LYRM4: variants seen among roughly 807,000 people sequenced by gnomAD.
LYRM4 encodes LYR motif containing 4.
Under a neutral mutation model 11.7 loss-of-function variants are expected in LYRM4, and 9 were observed. The observed-to-expected ratio is 0.77, with a 90% confidence interval of 0.46 to 1.34. LYRM4 has a LOEUF of 1.34. Among genes scored for constraint, LYRM4 ranks in the 40% most tolerant of loss-of-function variants. The probability of loss-of-function intolerance (pLI) is 0.00; values close to 1 mark genes in which losing one functional copy is unlikely to be tolerated. For synonymous variants in LYRM4, 42 were observed against 40.4 expected (o/e 1.04, Z -0.15); for missense variants, 133 against 112.5 (o/e 1.18, Z -0.82).
At chr6:5,214,234 A>G (rs1026527298) in intron 2 of LYRM4, among the ~76,000 whole-genome samples, 1 of 150,046 alleles carries the variant, frequency 6.7e-6, no homozygotes, top group Non-Finnish European at 1.5e-5. Flanking sequence ...AATCTGTTTT[A>G]GATAGTGTGG....
At chr6:5,119,794 CAA>C (rs968606439) in intron 2 of LYRM4, among the ~76,000 whole-genome samples, 62 of 16,860 alleles carry the variant, frequency 3.7e-3, no homozygotes, top group African/African-American at 6.7e-3. Flanking sequence ...GTCTCCATAA[CAA>C]AAAAAAAAAA....
At chr6:5,112,728 G>C (rs1419905128) in intron 2 of LYRM4, among the ~76,000 whole-genome samples, 1 of 152,218 alleles carries the variant, frequency 6.6e-6, no homozygotes, top group Non-Finnish European at 1.5e-5. Context: ...GGACTAGAGG[G>C]ATCTAGAAGA....
chr6:5,126,124 G>C (rs1420086871), intron 2 of LYRM4, among the ~76,000 whole-genome samples: 1 of 152,232 alleles, frequency 6.6e-6, no homozygotes, highest in Non-Finnish European at 1.5e-5. Flanking sequence ...AAGCCCTTTA[G>C]ATATGAAGAT....
At chr6:5,143,222 A>C (rs894195507) in intron 2 of LYRM4, among the ~76,000 whole-genome samples, 2 of 18,684 alleles carry the variant, frequency 1.1e-4, no homozygotes, top group Non-Finnish European at 2.3e-4. Context: ...TGTGTGAGTC[A>C]GCACACCACT....
the LYRM4 span, among the ~76,000 whole-genome samples, chr6:5,091,129 C>T: frequency 5.3e-5 from 8 of 152,300 alleles, no homozygotes; most frequent in East Asian, 1.9e-4. Flanking sequence ...TGCAGTCCAG[C>T]GTTTGTCCAG....
At chr6:5,032,747 G>A in the LYRM4 span, 4 of 152,138 alleles carry the variant, frequency 2.6e-5, no homozygotes, top group African/African-American at 7.2e-5. Context: ...TCATCCGGAC[G>A]GGGATGGAGA....
intron 2 of LYRM4, among the ~76,000 whole-genome samples, chr6:5,142,458 C>T (rs1757460099): frequency 6.6e-6 from 1 of 152,180 alleles, no homozygotes; most frequent in African/African-American, 2.4e-5. Context: ...ACAAGCCCCC[C>T]TCGCCATGCC....
At chr6:5,225,870 G>C (rs1221444759) in intron 1 of LYRM4, among the ~76,000 whole-genome samples, 1 of 152,188 alleles carries the variant, frequency 6.6e-6, no homozygotes, top group Admixed American at 6.5e-5. Flanking sequence ...CAAACTTTTT[G>C]ATCTTTGCTA....
intron 2 of LYRM4, among the ~76,000 whole-genome samples, chr6:5,155,433 C>G (rs377729550): frequency 2.0e-5 from 3 of 152,054 alleles, no homozygotes; most frequent in Non-Finnish European, 4.4e-5. Context: ...TTTCAGAGTC[C>G]GTCTTTACTA....
At chr6:5,141,891 G>A (rs1294987152) in intron 2 of LYRM4, among the ~76,000 whole-genome samples, 1 of 152,198 alleles carries the variant, frequency 6.6e-6, no homozygotes, top group African/African-American at 2.4e-5. Flanking sequence ...CTGAGATCCA[G>A]AGAGGTTAAG....
At chr6:5,125,962 C>A (rs759937422) in intron 2 of LYRM4, among the ~76,000 whole-genome samples, 3 of 152,196 alleles carry the variant, frequency 2.0e-5, no homozygotes, top group African/African-American at 4.8e-5. Flanking sequence ...GAGGACACTG[C>A]CCATTGGTGG....
intron 1 of LYRM4, among the ~76,000 whole-genome samples, chr6:5,254,907 ATC>A (rs1321949864): frequency 2.0e-5 from 3 of 152,066 alleles, no homozygotes; most frequent in Non-Finnish European, 2.9e-5. Flanking sequence ...TGGAGGGGGT[ATC>A]TCTACTCACG....
At chr6:5,251,810 C>G (rs991439651) in intron 1 of LYRM4, among the ~76,000 whole-genome samples, 2 of 152,142 alleles carry the variant, frequency 1.3e-5, no homozygotes, top group Non-Finnish European at 2.9e-5. Flanking sequence ...TTAAAAGATC[C>G]GCAACAAGGA....
rs56358324 is a variant in LYRM4 at position 5,227,486 on chromosome 6, A to G, written c.87-10748T>C. ...GATTTTTGCAAAAAACCCCACCAGCATAGGAACACCAGAAATAGGAATGCT... is the reference window on the plus strand; with the variant it reads ...GATTTTTGCAAAAAACCCCACCAGCGTAGGAACACCAGAAATAGGAATGCT... On this transcript the variant is annotated intron_variant, in intron 1 of 2. Coordinates refer to ENST00000330636, the MANE Select transcript of LYRM4 (RefSeq NM_020408.6). Among the ~76,000 whole-genome samples the G allele has an allele frequency of 3.2e-3, 491 of 152,332 alleles. 5 individuals carry two copies. The highest frequency in any genetic ancestry group is 0.011 in the African/African-American group (465 of 41,564).
chr6:5,111,142 T>G (rs1021720341), intron 2 of LYRM4, among the ~76,000 whole-genome samples: 36 of 152,262 alleles, frequency 2.4e-4, no homozygotes, highest in African/African-American at 7.7e-4. Flanking sequence ...TTTCATATAT[T>G]AACCTCAACA....
the LYRM4 span, chr6:5,086,512 G>A: frequency 1.3e-6 from 2 of 1,535,066 alleles, no homozygotes; most frequent in South Asian, 1.2e-5. Context: ...GGACAACAAC[G>A]CGGGCGCCAA....
chr6:5,246,930 A>G (rs1252996840), intron 1 of LYRM4, among the ~76,000 whole-genome samples: 1 of 152,062 alleles, frequency 6.6e-6, no homozygotes, highest in Non-Finnish European at 1.5e-5. Context: ...CAAAGAGGGA[A>G]ATGGGTGAAG....
Position 5,201,519 on chromosome 6 carries a change from G to A in LYRM4, c.207+15099C>T, listed in dbSNP as rs370576365. On this transcript the variant is annotated intron_variant, in intron 2 of 2. Coordinates refer to ENST00000330636, the MANE Select transcript of LYRM4 (RefSeq NM_020408.6). ...CTAAATCCTCTTTTCAGCCTTCTGC[G>A]CTCAGCTCTGGGGCTGCCCTGCTGG... 4.7e-4 allele frequency among the ~76,000 whole-genome samples: 72 copies of A among 152,270 alleles called. No individual in the cohort carries two copies. In the East Asian group the frequency reaches 5.0e-3, roughly 11 times the overall value.
intron 2 of LYRM4, among the ~76,000 whole-genome samples, chr6:5,213,921 A>G (rs1444209550): frequency 1.3e-5 from 2 of 152,254 alleles, no homozygotes; most frequent in African/African-American, 4.8e-5. Context: ...TCCTCACTAC[A>G]ACGCATGAAG....
Sources: gnomAD v4.1 joint callset for allele counts (sites outside exome capture counted in the v4.1 genomes callset) on GRCh38, gnomAD v4.1.1 for gene constraint, MANE v1.5 for transcripts, NCBI Gene and HGNC (gene_info 2026-07-23, HGNC 2026-07-21) for gene names.